Variants in PPA2 observed in about 807,000 individuals in gnomAD.
The protein encoded by PPA2 is inorganic pyrophosphatase 2, mitochondrial.
Under a neutral mutation model 49.5 loss-of-function variants are expected in PPA2, and 48 were observed. The observed-to-expected ratio is 0.97, with a 90% CI of 0.77 to 1.23. PPA2 has a LOEUF of 1.23. Among genes scored for constraint, PPA2 ranks in the 50% most tolerant of loss-of-function variants. The pLI is 0.00. For missense variants in PPA2, 429 were observed against 410.1 expected, an observed-to-expected ratio of 1.05 and a Z score of -0.40; for synonymous variants, 131 against 139.9, an observed-to-expected ratio of 0.94 and a Z score of 0.45.
chr4:105,439,309 AT>A (rs974144454), intron 5 of PPA2, among the ~76,000 whole-genome samples: 4 of 152,176 alleles, frequency 2.6e-5, no homozygotes, highest in Non-Finnish European at 4.4e-5. Context: ...GCTACTAATC[AT>A]TTTTTATGTG....
chr4:105,370,957 T>C, intron 10 of PPA2, 84 bp from the exon 11 acceptor site: 2 of 1,312,982 alleles, frequency 1.5e-6, no homozygotes, highest in Non-Finnish European at 2.0e-6. Flanking sequence ...TTCACGAAAT[T>C]ATAGAAGAAA....
intron 10 of PPA2, 152 bp downstream of exon 10, chr4:105,386,415 T>C (rs931960286): frequency 1.7e-6 from 1 of 588,392 alleles, no homozygotes; most frequent in Non-Finnish European, 2.7e-6. Flanking sequence ...TTTAAATTCC[T>C]TGAATTACAG....
rs116564755 is a variant in PPA2 at position 105,426,628 on chromosome 4, G to A, written c.529-2306C>T. On this transcript the variant is annotated intron_variant, in intron 6 of 11. Coordinates refer to ENST00000341695, the MANE Select transcript of PPA2 (RefSeq NM_176869.3). ...AACCTGGGATGTGGGAGCTTGGTAG[G>A]GGGAGAGGTGTCAGCCATTACTGAG... Among the ~76,000 whole-genome samples, 498 of 152,324 alleles carry A rather than the reference G, an allele frequency of 3.3e-3. 4 individuals carry two copies. The highest frequency in any genetic ancestry group is 0.011 in the African/African-American group (470 of 41,578).
intron 1 of PPA2, among the ~76,000 whole-genome samples, chr4:105,459,459 T>C (rs932163059): frequency 1.3e-5 from 2 of 152,216 alleles, no homozygotes; most frequent in Non-Finnish European, 2.9e-5. Flanking sequence ...TAAAATAAAA[T>C]ATGGTGATGG....
At chr4:105,423,062 T>C (rs1220188146) in intron 7 of PPA2, 1 of 152,124 alleles carries the variant, frequency 6.6e-6, no homozygotes, top group South Asian at 2.1e-4. Context: ...CTCATATATA[T>C]GTATATGAAA....
At chr4:105,468,955 A>C (rs997911353) in intron 1 of PPA2, among the ~76,000 whole-genome samples, 2 of 152,148 alleles carry the variant, frequency 1.3e-5, no homozygotes, top group Non-Finnish European at 1.5e-5. Context: ...GCTTTTCCCT[A>C]AACTACGTCC....
chr4:105,417,684 A>G (rs1044133723), intron 7 of PPA2, among the ~76,000 whole-genome samples: 2 of 152,172 alleles, frequency 1.3e-5, no homozygotes, highest in Non-Finnish European at 2.9e-5. Context: ...CTCCTCCTAC[A>G]ACCCATCCCT....
At chr4:105,410,265 A>G (rs534381362) in intron 7 of PPA2, among the ~76,000 whole-genome samples, 2 of 152,380 alleles carry the variant, frequency 1.3e-5, no homozygotes, top group African/African-American at 4.8e-5. Flanking sequence ...TTCATGACGC[A>G]TGCAAAAGCT....
intron 6 of PPA2, among the ~76,000 whole-genome samples, chr4:105,426,983 C>T (rs185127482): frequency 1.3e-5 from 2 of 152,296 alleles, no homozygotes; most frequent in African/African-American, 4.8e-5. Flanking sequence ...TAGATAGGTG[C>T]CCCCTCTGGG....
chr4:105,456,457 G>A, intron 2 of PPA2: 1 of 503,318 alleles, frequency 2.0e-6, no homozygotes, highest in South Asian at 2.1e-5. Context: ...CGAATTCTAA[G>A]TTTTATGTAC....
chr4:105,454,241 AAAAC>A (rs1380678319), intron 2 of PPA2, among the ~76,000 whole-genome samples: 8 of 152,230 alleles, frequency 5.3e-5, no homozygotes, highest in Admixed American at 1.3e-4. Flanking sequence ...TGAAGAAAAC[AAAAC>A]AAACAAAATC....
At chr4:105,401,589 G>A (rs2110398280) in intron 7 of PPA2, among the ~76,000 whole-genome samples, 1 of 152,154 alleles carries the variant, frequency 6.6e-6, no homozygotes. Context: ...TACAATCTAT[G>A]TTATTTTAAG....
chr4:105,444,879 A>T lies in PPA2; in HGVS notation c.441+1504T>A, dbSNP rs540491466. ...AATAATTGATTACTACATGTTACAC[A>T]CTATTCAAATGCAGTAACTCATTTA... is the stretch of plus-strand genomic sequence containing the variant. On this transcript the variant is annotated intron_variant, in intron 5 of 11. Transcript: ENST00000341695. Among the ~76,000 whole-genome samples, 48 of 152,312 alleles carry T rather than the reference A, an allele frequency of 3.2e-4. 1 individual carries two copies. The South Asian group carries it at 9.1e-3, about 29-fold the overall frequency.
intron 1 of PPA2, among the ~76,000 whole-genome samples, chr4:105,470,602 A>G (rs557203134): frequency 6.6e-6 from 1 of 152,292 alleles, no homozygotes; most frequent in African/African-American, 2.4e-5. Flanking sequence ...ACATCACCTT[A>G]TTTTCTCCCT....
At position 105,398,961 on chromosome 4, in the gene PPA2, A is replaced by C. The variant is rs17257179; in HGVS notation, c.783+76T>G. On this transcript the variant is annotated intron_variant, in intron 8 of 11. Transcript: ENST00000341695. ...CCATGCTATATATACATATTCACAT[A>C]AGAAACTTCCCAAGTGAAACGAATA... is the stretch of plus-strand genomic sequence containing the variant. The C allele has an allele frequency of 0.02, 29,433 of 1,499,472 alleles. 412 individuals are homozygous for C. Among genetic ancestry groups the C allele is most frequent in the Non-Finnish European group, 0.024 (27,090 of 1,114,396 alleles). The allele number at this position is 1,499,472 out of a possible 1,614,324, so 92.9% of individuals were successfully genotyped here.
intron 1 of PPA2, among the ~76,000 whole-genome samples, chr4:105,459,241 T>C (rs1227209709): frequency 2.0e-5 from 3 of 152,124 alleles, no homozygotes; most frequent in South Asian, 4.1e-4. Context: ...CTATGGTCTA[T>C]AAAGCTCTTT....
intron 8 of PPA2, among the ~76,000 whole-genome samples, chr4:105,397,786 T>C (rs140487392): frequency 6.6e-6 from 1 of 152,152 alleles, no homozygotes; most frequent in African/African-American, 2.4e-5. Context: ...TCTCACCCTG[T>C]GGCATGCCTG....
intron 3 of PPA2, among the ~76,000 whole-genome samples, chr4:105,452,055 AT>A (rs1185907985): frequency 6.6e-5 from 10 of 152,074 alleles, no homozygotes; most frequent in African/African-American, 2.4e-4. Context: ...CTTTCTCTCC[AT>A]TTTTTTCCTT....
chr4:105,452,438 C>G (rs1722711596), intron 3 of PPA2, among the ~76,000 whole-genome samples: 1 of 152,150 alleles, frequency 6.6e-6, no homozygotes, highest in Admixed American at 6.5e-5. Flanking sequence ...TGTGAAATAC[C>G]TAGATTAACC....
Sources: gnomAD v4.1 joint callset for allele counts (sites outside exome capture counted in the v4.1 genomes callset) on GRCh38, gnomAD v4.1.1 for gene constraint, MANE v1.5 for transcripts, NCBI Gene and HGNC (gene_info 2026-07-23, HGNC 2026-07-21) for gene names.